Variants in CDKL3 observed in about 807,000 individuals in gnomAD.
CDKL3 encodes the protein cyclin dependent kinase like 3, also known as cyclin-dependent kinase-like 3.
A neutral mutation model predicts 69.3 loss-of-function variants in CDKL3; 65 were observed. That is an observed-to-expected ratio of 0.94 (90% CI 0.77 to 1.15). The LOEUF is 1.15. Ranked by LOEUF, CDKL3 falls within the 50% of genes most tolerant of loss-of-function variation. CDKL3 has a pLI of 0.00. For synonymous variants in CDKL3, 202 were observed against 221.6 expected, an observed-to-expected ratio of 0.91 and a Z score of 0.79; for missense variants, 652 against 689.2, an observed-to-expected ratio of 0.95 and a Z score of 0.61.
chr5:134,308,498 C>A (rs141342568), intron 8 of CDKL3, 32 bp from the exon 9 acceptor site: 9 of 1,561,888 alleles, frequency 5.8e-6, no homozygotes, highest in African/African-American at 1.4e-5. Flanking sequence ...TCTGAGTCAT[C>A]ATAACAGTTA....
intron 2 of CDKL3, among the ~76,000 whole-genome samples, chr5:134,366,043 G>C (rs917839795): frequency 2.6e-5 from 4 of 152,124 alleles, no homozygotes; most frequent in African/African-American, 7.2e-5. Context: ...GTCTTTAAGG[G>C]CAGGAACTAT....
In CDKL3 at chr5:134,308,245, T is replaced by C; in HGVS notation, c.1257A>G (p.Lys419=). The change falls in exon 9 of 13, where the codon AAA becomes AAG. Residue 419 remains lysine (K), a synonymous_variant. Coordinates refer to ENST00000265334, the MANE Select transcript of CDKL3 (RefSeq NM_001113575.2). ...CAGAACCTCCGCAATGTGGATTTTC[T>C]TTCAAGCCATTACAGTTAGTGCTGG... ...INPSTNCNGL[K]ENPHCGGSVT... 1.2e-6 allele frequency: 2 copies of C among 1,614,018 alleles called. No homozygotes were observed. The highest frequency in any genetic ancestry group is 1.7e-6 in the Non-Finnish European group (2 of 1,179,872).
intron 6 of CDKL3, among the ~76,000 whole-genome samples, chr5:134,313,227 AT>A (rs966025016): frequency 9.9e-5 from 15 of 152,122 alleles, no homozygotes; most frequent in Admixed American, 2.0e-4. Flanking sequence ...GCCTTTTAAA[AT>A]TTTTTAGAGA....
At chr5:134,316,034 C>G (rs914810707) in intron 6 of CDKL3, among the ~76,000 whole-genome samples, 7 of 152,154 alleles carry the variant, frequency 4.6e-5, no homozygotes, top group African/African-American at 1.7e-4. Context: ...TCACTGCAGC[C>G]TCAACCTCCC....
chr5:134,306,521 A>G, intron 10 of CDKL3, 88 bp downstream of exon 10: 1 of 801,442 alleles, frequency 1.2e-6, no homozygotes, highest in East Asian at 2.7e-5. Flanking sequence ...AACAAACAAA[A>G]AAGTATTAGA....
rs1019233116 is a variant in CDKL3, at chr5:134,360,201, T to C, written c.166-110A>G. The C allele has an allele frequency of 7.6e-6, 6 of 786,060 alleles. No individual in the cohort carries two copies. In the East Asian group the frequency reaches 8.2e-5, roughly 11 times the overall value. The allele number at this position is 786,060 out of a possible 1,614,324, so 48.7% of individuals were successfully genotyped here. A position where few individuals can be genotyped will look rare whatever the true frequency, so the allele number is the denominator to read the frequency against. On this transcript the variant is annotated intron_variant, in intron 2 of 12. Coordinates refer to ENST00000265334, the MANE Select transcript of CDKL3 (RefSeq NM_001113575.2). ...CAGTCATATTCTTAGCTTTGTTCCA[T>C]GCATTTCTTTTTTCTTTTTTTTGAG... is the stretch of plus-strand genomic sequence containing the variant.
At chr5:134,339,683 C>T (rs1227723125) in intron 4 of CDKL3, among the ~76,000 whole-genome samples, 1 of 152,036 alleles carries the variant, frequency 6.6e-6, no homozygotes, top group African/African-American at 2.4e-5. Context: ...CATAAATAAA[C>T]CTCAGTAAAT....
intron 10 of CDKL3, among the ~76,000 whole-genome samples, chr5:134,306,027 G>T (rs1580827146): frequency 6.6e-6 from 1 of 152,022 alleles, no homozygotes; most frequent in South Asian, 2.1e-4. Context: ...TTCAAAGGTG[G>T]AAATCTTAAC....
intron 4 of CDKL3, among the ~76,000 whole-genome samples, chr5:134,340,087 A>C (rs1581108158): frequency 6.6e-6 from 1 of 151,882 alleles, no homozygotes; most frequent in Non-Finnish European, 1.5e-5. Flanking sequence ...TGGGGAAGTC[A>C]AGGCTGCAGT....
intron 7 of CDKL3, among the ~76,000 whole-genome samples, chr5:134,310,805 T>A (rs1561523607): frequency 6.6e-6 from 1 of 152,200 alleles, no homozygotes; most frequent in Non-Finnish European, 1.5e-5. Flanking sequence ...TTTAAATATA[T>A]CATCTTATTG....
intron 4 of CDKL3, among the ~76,000 whole-genome samples, chr5:134,339,606 G>A (rs1749948329): frequency 6.6e-6 from 1 of 152,014 alleles, no homozygotes; most frequent in African/African-American, 2.4e-5. Flanking sequence ...AACAACAATA[G>A]AATATACATT....
chr5:134,355,125 C>T (rs1371122218), intron 3 of CDKL3, among the ~76,000 whole-genome samples: 2 of 149,876 alleles, frequency 1.3e-5, no homozygotes, highest in Non-Finnish European at 3.0e-5. Context: ...CCCAGCTACT[C>T]AGGAGGCTGA....
At chr5:134,348,570 T>C (rs1008333710) in intron 4 of CDKL3, among the ~76,000 whole-genome samples, 39 of 148,440 alleles carry the variant, frequency 2.6e-4, no homozygotes, top group Non-Finnish European at 4.6e-4. Context: ...TAACTTTTAG[T>C]GGGAGGTTAA....
intron 10 of CDKL3, 110 bp downstream of exon 10, chr5:134,306,499 A>C: frequency 1.4e-6 from 1 of 704,170 alleles, no homozygotes; most frequent in African/African-American, 1.9e-5. Context: ...CCTCTCTCAA[A>C]AAAACAAAAC....
chr5:134,327,745 T>C (rs946536939), intron 4 of CDKL3, among the ~76,000 whole-genome samples: 13 of 152,220 alleles, frequency 8.5e-5, no homozygotes, highest in Non-Finnish European at 2.9e-5. Context: ...GAACAGTTTG[T>C]AGAGCTATTT....
intron 8 of CDKL3, among the ~76,000 whole-genome samples, chr5:134,293,342 A>G (rs183224785): frequency 6.7e-4 from 102 of 151,934 alleles, no homozygotes; most frequent in Admixed American, 1.8e-3. Flanking sequence ...TTTCTAACAA[A>G]CATTTAAGGA....
chr5:134,297,674 C>T (rs1175266880), downstream of CDKL3, among the ~76,000 whole-genome samples: 3 of 151,442 alleles, frequency 2.0e-5, no homozygotes, highest in African/African-American at 4.8e-5. Context: ...CTCCGCCTCC[C>T]GGGTTCAAGC....
intron 4 of CDKL3, among the ~76,000 whole-genome samples, chr5:134,341,297 A>C (rs1234475086): frequency 6.6e-6 from 1 of 152,204 alleles, no homozygotes; most frequent in East Asian, 1.9e-4. Context: ...TGCTCTTGCC[A>C]CTTCTGTTCA....
At chr5:134,338,810 C>A (rs1372894583) in intron 4 of CDKL3, among the ~76,000 whole-genome samples, 1 of 151,938 alleles carries the variant, frequency 6.6e-6, no homozygotes, top group African/African-American at 2.4e-5. Context: ...CAACATGAGA[C>A]AAACACAAAA....
Sources: gnomAD v4.1 joint callset for allele counts (sites outside exome capture counted in the v4.1 genomes callset) on GRCh38, gnomAD v4.1.1 for gene constraint, MANE v1.5 for transcripts, NCBI Gene and HGNC (gene_info 2026-07-23, HGNC 2026-07-21) for gene names.